The following LYPD6B variants were observed in gnomAD, a reference collection of about 807,000 sequenced individuals.
The protein encoded by LYPD6B is ly6/PLAUR domain-containing protein 6B.
In LYPD6B, 17 loss-of-function variants were observed where a neutral mutation model predicts 22.8. That is an observed-to-expected ratio of 0.75 (90% confidence interval 0.51 to 1.12). The LOEUF is 1.12. Ranked by LOEUF, LYPD6B falls within the 50% of genes most tolerant of loss-of-function variation. LYPD6B has a pLI of 0.00. For synonymous variants in LYPD6B, 106 were observed against 91.6 expected, an observed-to-expected ratio of 1.16 and a Z score of -0.90; for missense variants, 221 against 258.3, an observed-to-expected ratio of 0.86 and a Z score of 0.99.
intron 1 of LYPD6B, among the ~76,000 whole-genome samples, chr2:149,099,666 A>AGGGC (rs1019083703): frequency 2.0e-5 from 3 of 152,210 alleles, no homozygotes; most frequent in African/African-American, 7.2e-5. Flanking sequence ...CCATGGCACC[A>AGGGC]GGGCAATGCC....
rs1450924848 is a variant in LYPD6B, at chr2:149,214,722, C to T, written c.*12C>T. 8 of 1,613,708 alleles carry T rather than the reference C, an allele frequency of 5.0e-6. No individual in the cohort carries two copies. Among genetic ancestry groups the T allele is most frequent in the Non-Finnish European group, 6.8e-6 (8 of 1,179,666 alleles). On this transcript the variant is annotated 3_prime_UTR_variant, in exon 7 of 7. Transcript: ENST00000409642. ...TTCCATTGCTGTGATGCCACCATTC[C>T]TAGGAGAGGCAGAGACCAGCCTCTA...
chr2:149,180,870 T>G (rs1051347541), intron 3 of LYPD6B, among the ~76,000 whole-genome samples: 1 of 152,202 alleles, frequency 6.6e-6, no homozygotes, highest in Non-Finnish European at 1.5e-5. Context: ...CCCAATTTGA[T>G]GTACTTTAAA....
At chr2:149,147,595 C>A (rs945424963) in intron 2 of LYPD6B, among the ~76,000 whole-genome samples, 4 of 152,100 alleles carry the variant, frequency 2.6e-5, no homozygotes, top group African/African-American at 7.2e-5. Flanking sequence ...TTCACTGCAG[C>A]CTCTACCTTC....
intron 1 of LYPD6B, among the ~76,000 whole-genome samples, chr2:149,112,090 A>C (rs974967417): frequency 9.2e-5 from 14 of 152,114 alleles, no homozygotes; most frequent in African/African-American, 3.4e-4. Flanking sequence ...TTCAAGAGAG[A>C]ATGGAGGAGA....
At chr2:149,186,198 G>A (rs1339548377) in intron 3 of LYPD6B, among the ~76,000 whole-genome samples, 2 of 152,238 alleles carry the variant, frequency 1.3e-5, no homozygotes, top group Non-Finnish European at 1.5e-5. Flanking sequence ...AAACAGCCAA[G>A]TTGAGAATAC....
intron 3 of LYPD6B, among the ~76,000 whole-genome samples, chr2:149,162,083 C>T (rs1690100548): frequency 6.6e-6 from 1 of 152,116 alleles, no homozygotes; most frequent in South Asian, 2.1e-4. Flanking sequence ...CATATGGGAA[C>T]ATTGGGTCAT....
chr2:149,047,481 T>C (rs1683364926), intron 1 of LYPD6B, among the ~76,000 whole-genome samples: 1 of 152,172 alleles, frequency 6.6e-6, no homozygotes, highest in Non-Finnish European at 1.5e-5. Flanking sequence ...TCCTTTTCAT[T>C]TGATGTTTCA....
chr2:149,078,078 CTGAGGA>C (rs1412544338), intron 1 of LYPD6B, among the ~76,000 whole-genome samples: 1 of 152,152 alleles, frequency 6.6e-6, no homozygotes, highest in Non-Finnish European at 1.5e-5. Flanking sequence ...ACCTGGTAGG[CTGAGGA>C]TGTCAGGTCA....
chr2:149,142,836 C>T (rs1309151105), intron 2 of LYPD6B, among the ~76,000 whole-genome samples: 1 of 151,984 alleles, frequency 6.6e-6, no homozygotes, highest in Non-Finnish European at 1.5e-5. Context: ...TTTTTTTAAT[C>T]GACTTTTTCC....
At chr2:149,174,617 C>T (rs893080876) in intron 3 of LYPD6B, among the ~76,000 whole-genome samples, 3 of 152,014 alleles carry the variant, frequency 2.0e-5, no homozygotes, top group African/African-American at 7.3e-5. Flanking sequence ...TATCAAAGGC[C>T]TTTTCTGCAT....
chr2:149,189,475 A>G (rs1243616455), intron 3 of LYPD6B, among the ~76,000 whole-genome samples: 1 of 151,232 alleles, frequency 6.6e-6, no homozygotes, highest in Non-Finnish European at 1.5e-5. Context: ...AAAATGGATA[A>G]TGAATTATCT....
intron 1 of LYPD6B, among the ~76,000 whole-genome samples, chr2:149,129,057 G>A (rs1182265085): frequency 6.6e-6 from 1 of 152,158 alleles, no homozygotes; most frequent in Non-Finnish European, 1.5e-5. Flanking sequence ...TTGAATGGGT[G>A]AATAACAAAG....
At chr2:149,187,425 G>C in intron 3 of LYPD6B, 1 of 1,526,376 alleles carries the variant, frequency 6.6e-7, no homozygotes, top group Non-Finnish European at 8.8e-7. Flanking sequence ...TTATTTTCTA[G>C]ATGTGAAAGG....
At chr2:149,097,995 CT>C (rs1412405811) in intron 1 of LYPD6B, among the ~76,000 whole-genome samples, 1 of 152,080 alleles carries the variant, frequency 6.6e-6, no homozygotes, top group Non-Finnish European at 1.5e-5. Flanking sequence ...AAATACTACA[CT>C]TTTTTATTAC....
At chr2:149,152,155 T>A (rs764489389) in intron 2 of LYPD6B, among the ~76,000 whole-genome samples, 1 of 152,262 alleles carries the variant, frequency 6.6e-6, no homozygotes, top group Non-Finnish European at 1.5e-5. Flanking sequence ...TAGAATATTA[T>A]GGTATAGGTC....
chr2:149,053,120 T>A (rs921389159), intron 1 of LYPD6B, among the ~76,000 whole-genome samples: 2 of 152,228 alleles, frequency 1.3e-5, no homozygotes, highest in Non-Finnish European at 2.9e-5. Flanking sequence ...GACAGAATAG[T>A]TTTATGATTT....
chr2:149,191,660 A>G (rs1692498392), intron 3 of LYPD6B, among the ~76,000 whole-genome samples: 3 of 152,252 alleles, frequency 2.0e-5, no homozygotes, highest in Admixed American at 1.3e-4. Context: ...CTCATACTAT[A>G]TAAAAATTGA....
chr2:149,169,427 G>T lies in LYPD6B; in HGVS notation c.77+8592G>T, dbSNP rs1048722838. On this transcript the variant is annotated intron_variant, in intron 3 of 6. Transcript: ENST00000409642. ...GGAGCATGACTTTGAAGGGGATAAG[G>T]TTCTCAATTGTCAAGTCTTTAAACT... 9.2e-5 allele frequency among the ~76,000 whole-genome samples: 14 copies of T among 152,294 alleles called. No homozygotes were observed. The East Asian group carries it at 2.7e-3, about 29-fold the overall frequency.
intron 3 of LYPD6B, chr2:149,200,622 G>C (rs1349876586): frequency 6.6e-6 from 1 of 152,128 alleles, no homozygotes; most frequent in Non-Finnish European, 1.5e-5. Context: ...CTTTTCCCTG[G>C]AAGTGTAAAA....
Sources: gnomAD v4.1 joint callset for allele counts (sites outside exome capture counted in the v4.1 genomes callset) on GRCh38, gnomAD v4.1.1 for gene constraint, MANE v1.5 for transcripts, NCBI Gene and HGNC (gene_info 2026-07-23, HGNC 2026-07-21) for gene names.